The following GP9 variants were observed in gnomAD, a reference collection of about 807,000 sequenced individuals.
GP9 encodes platelet glycoprotein IX.
For missense variants in GP9, 228 were observed against 241.8 expected, an observed-to-expected ratio of 0.94 and a Z score of 0.38; for synonymous variants, 116 against 116.7, an observed-to-expected ratio of 0.99 and a Z score of 0.04.
chr3:129,061,965 C>G lies in GP9; in HGVS notation c.226C>G (p.Gln76Glu). The change falls in exon 3 of 3, where the codon CAG (glutamine) becomes GAG (glutamate). Residue 76 changes from glutamine (Q) to glutamate (E), a missense_variant. Physicochemically the swap from Gln to Glu is conservative, Grantham distance 29. Transcript: ENST00000307395. ...VPPGAFDHLPQLQTLDVTQNP... is the reference protein window; with the variant it reads ...VPPGAFDHLPELQTLDVTQNP... ...CCCGGGAGCCTTTGACCACCTGCCC[C>G]AGCTGCAGACCCTCGATGTGACGCA... The G allele has an allele frequency of 6.2e-7, 1 of 1,613,894 alleles. No homozygotes were observed. Among genetic ancestry groups the G allele is most frequent in the South Asian group, 1.1e-5 (1 of 91,084 alleles).
upstream of GP9, among the ~76,000 whole-genome samples, chr3:129,057,060 G>A (rs1414884900): frequency 6.6e-6 from 1 of 152,236 alleles, no homozygotes; most frequent in Admixed American, 6.5e-5. Flanking sequence ...CACTAGAGAA[G>A]AGACAGCCAG....
upstream of GP9, among the ~76,000 whole-genome samples, chr3:129,057,708 A>G (rs1007759672): frequency 2.6e-5 from 4 of 152,182 alleles, no homozygotes; most frequent in Admixed American, 2.6e-4. Flanking sequence ...GTTGGACAGC[A>G]AGTAGAAGTG....
intron 1 of GP9, 47 bp downstream of exon 1, chr3:129,060,897 A>G (rs993799739): frequency 6.6e-6 from 1 of 152,382 alleles, no homozygotes; most frequent in African/African-American, 2.4e-5. Context: ...ACAGGGAGAG[A>G]GGAGGTCAGT....
chr3:129,061,056 G>A (rs1946569584), intron 1 of GP9, among the ~76,000 whole-genome samples: 2 of 152,336 alleles, frequency 1.3e-5, no homozygotes, highest in South Asian at 4.1e-4. Flanking sequence ...GAGGGGAAAC[G>A]CCTGTGGGGA....
chr3:129,062,115 C>T lies in GP9; in HGVS notation c.376C>T (p.Arg126Trp), dbSNP rs758791695. The T allele has an allele frequency of 1.4e-5, 23 of 1,597,518 alleles. No homozygotes were observed. Among genetic ancestry groups the T allele is most frequent in the Admixed American group, 8.6e-5 (5 of 58,252 alleles). Residue 126 changes from arginine to tryptophan, a missense_variant, in exon 3 of 3, where the codon CGG becomes TGG. Coordinates refer to ENST00000307395, the MANE Select transcript of GP9 (RefSeq NM_000174.5). ...PSLAAHGPLG[R>W]LTGYQLGSCG... ...CCTCGCTGCCCATGGCCCGCTGGGC[C>T]GGCTGACAGGCTACCAGCTGGGCAG...
chr3:129,057,365 T>A (rs983539824), upstream of GP9, among the ~76,000 whole-genome samples: 1 of 152,076 alleles, frequency 6.6e-6, no homozygotes, highest in Non-Finnish European at 1.5e-5. Flanking sequence ...GGAAGCCATG[T>A]GGGGCTCTGG....
At chr3:129,059,754 C>A (rs191618759), upstream of GP9, among the ~76,000 whole-genome samples, 26 of 152,264 alleles carry the variant, frequency 1.7e-4, 1 homozygote, top group Non-Finnish European at 2.8e-4. Flanking sequence ...GAAGGACTCA[C>A]CCTGCTTGGC....
upstream of GP9, among the ~76,000 whole-genome samples, chr3:129,058,654 T>G (rs1307048429): frequency 6.6e-6 from 1 of 152,218 alleles, no homozygotes; most frequent in East Asian, 1.9e-4. Flanking sequence ...TCACCACCCC[T>G]TTTCTAGAAA....
chr3:129,061,464 T>C (rs1946573574), intron 1 of GP9, 30 bp from the exon 2 acceptor site: 3 of 564,240 alleles, frequency 5.3e-6, no homozygotes, highest in Admixed American at 6.1e-5. Context: ...TCCCTTCCCC[T>C]TCCCAAAAAC....
chr3:129,060,130 C>T (rs1946559128), upstream of GP9, among the ~76,000 whole-genome samples: 1 of 152,130 alleles, frequency 6.6e-6, no homozygotes, highest in African/African-American at 2.4e-5. Context: ...AAATGGTGTC[C>T]CTCCCCTAAG....
chr3:129,055,172 G>A, the GP9 span, among the ~76,000 whole-genome samples: 1 of 152,158 alleles, frequency 6.6e-6, no homozygotes, highest in East Asian at 1.9e-4. Context: ...CTGTCCTGTC[G>A]TGGCTGGAAG....
upstream of GP9, among the ~76,000 whole-genome samples, chr3:129,060,345 G>A (rs1166885703): frequency 6.6e-6 from 1 of 152,246 alleles, no homozygotes; most frequent in African/African-American, 2.4e-5. Flanking sequence ...GAGGAGGGAG[G>A]AGAGTTAAAA....
rs1458752972 is a variant in GP9 at position 129,060,832 on chromosome 3, C to A, written c.-157C>A. The A allele has an allele frequency of 6.5e-6, 1 of 152,722 alleles. No individual in the cohort carries two copies. Among genetic ancestry groups the A allele is most frequent in the East Asian group, 1.9e-4 (1 of 5,200 alleles). The allele number at this position is 152,722 out of a possible 1,614,324, so 9.5% of individuals were successfully genotyped here. A position where few individuals can be genotyped will look rare whatever the true frequency, so the allele number is the denominator to read the frequency against. ...GACCTTTCAGGCCAGACAGGAGCAC[C>A]TGACCAAAGGCTTCACAGGTAAGTG... On this transcript the variant is annotated 5_prime_UTR_variant, in exon 1 of 3. It adds an upstream start codon to the 5' untranslated region. Transcript: ENST00000307395.
chr3:129,060,377 T>C (rs1946560785), upstream of GP9, among the ~76,000 whole-genome samples: 1 of 152,240 alleles, frequency 6.6e-6, no homozygotes, highest in Non-Finnish European at 1.5e-5. Context: ...CTCCCCACCA[T>C]GGTGTTCTCA....
rs201755437 is a variant in GP9 at position 129,061,862 on chromosome 3, C to T, written c.123C>T (p.His41=). 425 of 1,612,528 alleles carry T rather than the reference C, an allele frequency of 2.6e-4. 3 individuals are homozygous for T. In the East Asian group the frequency reaches 9.1e-3, roughly 35 times the overall value. ...GGCTGTGGGTGGACTGCAGGGGCCA[C>T]GGACTCACGGCCCTGCCTGCCCTGC... ...TMGLWVDCRG[H]GLTALPALPA... Residue 41 remains histidine, a synonymous_variant, in exon 3 of 3, where the codon CAC becomes CAT. Coordinates refer to ENST00000307395, the MANE Select transcript of GP9 (RefSeq NM_000174.5).
chr3:129,061,677 G>A, intron 2 of GP9, 51 bp from the exon 3 acceptor site: 3 of 1,420,444 alleles, frequency 2.1e-6, no homozygotes, highest in East Asian at 2.4e-5. Context: ...TGCCGTCCCT[G>A]AGGATCGGTC....
At chr3:129,060,877 A>G (rs1489342336) in intron 1 of GP9, 27 bp downstream of exon 1, 3 of 152,530 alleles carry the variant, frequency 2.0e-5, no homozygotes, top group African/African-American at 7.2e-5. Flanking sequence ...ATTACCCAGC[A>G]TGGCCTCCCA....
chr3:129,061,919 C>T lies in GP9; in HGVS notation c.180C>T (p.Asn60=). Reference sequence around the variant, plus strand: ...GCACCCGCCACCTTCTGCTGGCCAACAACAGCCTTCAGTCCGTGCCCCCGG... The same window carrying T: ...GCACCCGCCACCTTCTGCTGGCCAATAACAGCCTTCAGTCCGTGCCCCCGG... The part of the protein sequence containing the change: ...PARTRHLLLA[N]NSLQSVPPGA... Residue 60 remains asparagine (N), a synonymous_variant, in exon 3 of 3, where the codon AAC becomes AAT. Coordinates refer to ENST00000307395, the MANE Select transcript of GP9 (RefSeq NM_000174.5). 1 of 1,613,840 alleles carries T rather than the reference C, an allele frequency of 6.2e-7. No individual in the cohort carries two copies. The highest frequency in any genetic ancestry group is 8.5e-7 in the Non-Finnish European group (1 of 1,179,898).
chr3:129,061,618 A>C lies in GP9; in HGVS notation c.-14A>C, dbSNP rs184163357. The stretch of plus-strand genomic sequence containing the variant: ...GGAGAAGGCTGAGACCCGAGAAGGG[A>C]GGTGAGTGCACCCCGTCCCATGTCA... On this transcript the variant is annotated splice_region_variant and 5_prime_UTR_variant, in exon 2 of 3. Coordinates refer to ENST00000307395, the MANE Select transcript of GP9 (RefSeq NM_000174.5). 62 of 804,564 alleles carry C rather than the reference A, an allele frequency of 7.7e-5. No individual in the cohort carries two copies. The African/African-American group carries it at 1.0e-3, about 14-fold the overall frequency. The allele number at this position is 804,564 out of a possible 1,614,324, so 49.8% of individuals were successfully genotyped here.
Sources: allele counts gnomAD v4.1 joint callset (sites outside exome capture counted in the v4.1 genomes callset), GRCh38; gene constraint gnomAD v4.1.1; transcripts MANE v1.5; gene names NCBI Gene and HGNC (gene_info 2026-07-23, HGNC 2026-07-21).